FBLN1: variants seen among roughly 807,000 people sequenced by gnomAD.
FBLN1 encodes fibulin-1.
Under a neutral mutation model 89.7 loss-of-function variants are expected in FBLN1, and 34 were observed. The ratio of observed to expected loss-of-function variants is 0.38; its 90% CI spans 0.29 to 0.50. The LOEUF (loss-of-function observed/expected upper bound fraction) is 0.50, where lower values mean the gene tolerates loss of function less well. FBLN1 is among the 20% of genes least tolerant of loss of function. The pLI, the probability that FBLN1 is intolerant of heterozygous loss-of-function variation, is 0.92. For missense variants in FBLN1, 777 were observed against 988.1 expected (o/e 0.79, Z 2.86); for synonymous variants, 393 against 391.3 (o/e 1.00, Z -0.05).
chr22:45,525,199 GAGAGAA>G, intron 2 of FBLN1, among the ~76,000 whole-genome samples: 2 of 143,400 alleles, frequency 1.4e-5, no homozygotes, highest in Admixed American at 6.8e-5. Context: ...GAGAGAGAAA[GAGAGAA>G]AGAAAGAAAG....
intron 6 of FBLN1, 21 bp from the exon 7 acceptor site, chr22:45,533,740 C>A (rs2088442367): frequency 1.9e-6 from 3 of 1,608,710 alleles, no homozygotes; most frequent in Non-Finnish European, 2.5e-6. Context: ...GTCACCCCCG[C>A]ACTGCCTCGG....
chr22:45,541,401 C>A, intron 9 of FBLN1, 29 bp downstream of exon 9: 1 of 1,613,932 alleles, frequency 6.2e-7, no homozygotes, highest in Non-Finnish European at 8.5e-7. Context: ...AATCTGAAAT[C>A]CACTTTCCTG....
At position 45,579,877 on chromosome 22, in the gene FBLN1, G is replaced by T. The variant is rs1184075693; in HGVS notation, c.1972+2769G>T. 5.9e-5 allele frequency among the ~76,000 whole-genome samples: 9 copies of T among 152,108 alleles called. No homozygotes were observed. In the East Asian group the frequency reaches 1.8e-3, roughly 30 times the overall value. On this transcript the variant is annotated intron_variant, in intron 16 of 16. Transcript: ENST00000327858. The surrounding 1 kb of genome is among the most constrained non-coding windows in gnomAD (Gnocchi z 5.5). The stretch of plus-strand genomic sequence containing the variant: ...CCTGGGAGCTTCCTGGTCCCTAGGG[G>T]CAGCCATCCCGGCACACGGCTCCTG...
At chr22:45,526,058 A>C (rs1471798023) in intron 3 of FBLN1, among the ~76,000 whole-genome samples, 1 of 152,218 alleles carries the variant, frequency 6.6e-6, no homozygotes, top group Non-Finnish European at 1.5e-5. Flanking sequence ...GGAGGCTCTC[A>C]GGCTTCTCTA....
rs1369496564 is a variant in FBLN1 at position 45,536,144 on chromosome 22, A to G, written c.922+807A>G. 6.6e-6 allele frequency among the ~76,000 whole-genome samples: 1 copy of G among 152,246 alleles called. No homozygotes were observed. Among genetic ancestry groups the G allele is most frequent in the Non-Finnish European group, 1.5e-5 (1 of 68,050 alleles). Reference sequence around the variant, plus strand: ...AGCTGTGATCGTGCTACTGCACTCCAGTCTGGGCAACAGAGCAAGACCCTG... The same window carrying G: ...AGCTGTGATCGTGCTACTGCACTCCGGTCTGGGCAACAGAGCAAGACCCTG... On this transcript the variant is annotated intron_variant, in intron 8 of 16. Transcript: ENST00000327858. This position sits in a 1 kb window ranked among gnomAD's most constrained non-coding sequence, Gnocchi z 5.1.
intron 4 of FBLN1, among the ~76,000 whole-genome samples, chr22:45,528,342 ATC>A (rs2088358676): frequency 1.3e-5 from 2 of 150,722 alleles, no homozygotes; most frequent in Admixed American, 6.6e-5. Flanking sequence ...TTACATGTTA[ATC>A]TCTTTTTTTT....
chr22:45,600,625 T>C lies in FBLN1; in HGVS notation c.*179T>C, dbSNP rs939143887. ...GTCCATCTGATGTATTTTCGGTGTT[T>C]AAAAAATGAGCCCAGTTGCTCAACT... On this transcript the variant is annotated 3_prime_UTR_variant, in exon 17 of 17. Transcript: ENST00000327858. 5.3e-6 allele frequency: 4 copies of C among 752,642 alleles called. No homozygotes were observed. Among genetic ancestry groups the C allele is most frequent in the East Asian group, 5.3e-5 (2 of 37,630 alleles). 46.6% of individuals were successfully genotyped at this position (752,642 alleles called of 1,614,324 possible).
chr22:45,535,120 C>T, intron 7 of FBLN1, 80 bp from the exon 8 acceptor site: 1 of 1,542,996 alleles, frequency 6.5e-7, no homozygotes, highest in Non-Finnish European at 9.0e-7. Context: ...TAGAAAAAAG[C>T]TTTCTTGTGA....
chr22:45,507,550 C>CG (rs1436867421), intron 1 of FBLN1, among the ~76,000 whole-genome samples: 2 of 152,024 alleles, frequency 1.3e-5, no homozygotes, highest in Non-Finnish European at 2.9e-5. Flanking sequence ...ATTTTTGAGA[C>CG]GGGGTCTCAC....
chr22:45,504,843 C>T (rs879893560), intron 1 of FBLN1, among the ~76,000 whole-genome samples: 1 of 152,208 alleles, frequency 6.6e-6, no homozygotes, highest in Admixed American at 6.5e-5. Flanking sequence ...ATAAAAGCAG[C>T]TGGATGTCCT....
At chr22:45,555,561 G>T (rs186947732) in intron 14 of FBLN1, among the ~76,000 whole-genome samples, 47 of 152,098 alleles carry the variant, frequency 3.1e-4, no homozygotes, top group African/African-American at 9.2e-4. Flanking sequence ...CTGATTAGTT[G>T]GTGCCCACCC....
At chr22:45,516,187 C>T (rs75151520) in intron 1 of FBLN1, among the ~76,000 whole-genome samples, 14,256 of 151,716 alleles carry the variant, frequency 0.094, 821 homozygotes, top group African/African-American at 0.16. Context: ...GTGGAAGACA[C>T]GAGGGTGAAA....
intron 16 of FBLN1, among the ~76,000 whole-genome samples, chr22:45,596,746 A>G (rs1485154306): frequency 1.4e-5 from 2 of 147,564 alleles, no homozygotes; most frequent in Non-Finnish European, 3.0e-5. Context: ...AAATGTAAAC[A>G]TTTTATATGA....
intron 1 of FBLN1, among the ~76,000 whole-genome samples, chr22:45,516,259 A>G (rs1342713202): frequency 2.0e-5 from 3 of 151,548 alleles, no homozygotes; most frequent in South Asian, 4.2e-4. Context: ...GGGGACAGAC[A>G]TGGGAACCGG....
At chr22:45,535,764 A>T (rs1284638531) in intron 8 of FBLN1, among the ~76,000 whole-genome samples, 1 of 152,252 alleles carries the variant, frequency 6.6e-6, no homozygotes, top group Non-Finnish European at 1.5e-5. Context: ...GGGAGTAATC[A>T]TAATACCTGG....
rs1026977441 is a variant in FBLN1, at chr22:45,590,671, G to A, written c.1973-9636G>A. Reference sequence around the variant, plus strand: ...GAGGCCAGGTGGGGTTGTGGGGAGAGAAGGGAGGAGAGTCTGGAGACCTTT... The same window carrying A: ...GAGGCCAGGTGGGGTTGTGGGGAGAAAAGGGAGGAGAGTCTGGAGACCTTT... On this transcript the variant is annotated intron_variant, in intron 16 of 16. Coordinates refer to ENST00000327858, the MANE Select transcript of FBLN1 (RefSeq NM_006486.3). The surrounding 1 kb of genome is among the most constrained non-coding windows in gnomAD (Gnocchi z 4.1). Among the ~76,000 whole-genome samples, 1 of 152,166 alleles carries A rather than the reference G, an allele frequency of 6.6e-6. No individual in the cohort carries two copies. The highest frequency in any genetic ancestry group is 2.4e-5 in the African/African-American group (1 of 41,446).
chr22:45,505,350 T>C (rs184745151), intron 1 of FBLN1, among the ~76,000 whole-genome samples: 1 of 152,310 alleles, frequency 6.6e-6, no homozygotes, highest in East Asian at 1.9e-4. Flanking sequence ...ACGTGTGGTC[T>C]GTGCCGCCAC....
chr22:45,504,156 A>T (rs1165555192), intron 1 of FBLN1, among the ~76,000 whole-genome samples: 1 of 151,716 alleles, frequency 6.6e-6, no homozygotes, highest in African/African-American at 2.4e-5. Context: ...TTTGTTAGTC[A>T]AAAGGTCGCT....
chr22:45,584,173 G>A (rs1024717104), intron 16 of FBLN1, among the ~76,000 whole-genome samples: 7 of 152,174 alleles, frequency 4.6e-5, no homozygotes, highest in African/African-American at 7.2e-5. Context: ...AATGCGTGCC[G>A]AGGCAACATA....
Sources: allele counts gnomAD v4.1 joint callset (sites outside exome capture counted in the v4.1 genomes callset), GRCh38; gene constraint gnomAD v4.1.1; non-coding constraint Gnocchi (gnomAD v3.1); transcripts MANE v1.5; gene names NCBI Gene and HGNC (gene_info 2026-07-23, HGNC 2026-07-21).